FALEC: variants seen among roughly 807,000 people sequenced by gnomAD.
FALEC encodes the protein focally amplified lncRNA on chromosome 1.
At chr1:150,535,329 C>T in the FALEC span, among the ~76,000 whole-genome samples, 3 of 152,108 alleles carry the variant, frequency 2.0e-5, no homozygotes, top group East Asian at 1.9e-4. Flanking sequence ...CTGCAACCTC[C>T]GCCTCCCAGG....
intron 1 of FALEC, among the ~76,000 whole-genome samples, chr1:150,517,136 A>G (rs1670578703): frequency 6.6e-6 from 1 of 152,074 alleles, no homozygotes; most frequent in South Asian, 2.1e-4. Context: ...CGTCCCTACT[A>G]AAAATACAAA....
At chr1:150,526,432 C>G in the FALEC span, among the ~76,000 whole-genome samples, 1 of 151,630 alleles carries the variant, frequency 6.6e-6, no homozygotes, top group South Asian at 2.1e-4. Flanking sequence ...CTCCTGGGCT[C>G]AAGTGATCCA....
At chr1:150,522,313 C>T (rs1670653530), downstream of FALEC, among the ~76,000 whole-genome samples, 1 of 151,436 alleles carries the variant, frequency 6.6e-6, no homozygotes. Context: ...ATTCCAGTGA[C>T]TTTCCAGCTT....
chr1:150,532,944 C>G, the FALEC span, among the ~76,000 whole-genome samples: 1 of 152,126 alleles, frequency 6.6e-6, no homozygotes, highest in East Asian at 1.9e-4. Flanking sequence ...GCCAGCAGTG[C>G]AACTAGAGAG....
the FALEC span, among the ~76,000 whole-genome samples, chr1:150,534,426 T>A: frequency 6.6e-6 from 1 of 152,040 alleles, no homozygotes; most frequent in East Asian, 1.9e-4. Flanking sequence ...CAGACCTGAG[T>A]TCTTATGAAG....
chr1:150,536,464 C>G, the FALEC span, among the ~76,000 whole-genome samples: 1 of 152,170 alleles, frequency 6.6e-6, no homozygotes, highest in Non-Finnish European at 1.5e-5. Context: ...AGTTTCTTCA[C>G]CTGTAAAATG....
chr1:150,530,861 A>AT, the FALEC span, among the ~76,000 whole-genome samples: 1 of 152,178 alleles, frequency 6.6e-6, no homozygotes, highest in African/African-American at 2.4e-5. Context: ...CACACTGTCC[A>AT]TAACGCCTTC....
chr1:150,516,491 A>G (rs1326613593), intron 1 of FALEC, among the ~76,000 whole-genome samples: 1 of 152,214 alleles, frequency 6.6e-6, no homozygotes. Flanking sequence ...AAATGCTGAG[A>G]GTTAAAGAAT....
chr1:150,534,585 T>G, the FALEC span, among the ~76,000 whole-genome samples: 18 of 152,096 alleles, frequency 1.2e-4, no homozygotes, highest in Non-Finnish European at 2.2e-4. Flanking sequence ...GGCTCAAGCC[T>G]GTAATCCCAG....
At chr1:150,516,634 T>A (rs1040961898) in intron 1 of FALEC, among the ~76,000 whole-genome samples, 5 of 152,190 alleles carry the variant, frequency 3.3e-5, no homozygotes, top group Non-Finnish European at 7.3e-5. Flanking sequence ...TATACACTAT[T>A]AAAATATAAC....
At chr1:150,516,786 A>C (rs1670575113) in intron 1 of FALEC, among the ~76,000 whole-genome samples, 1 of 152,222 alleles carries the variant, frequency 6.6e-6, no homozygotes, top group Admixed American at 6.5e-5. Flanking sequence ...AATGTATGCA[A>C]AGTTCAGCTA....
chr1:150,531,219 G>A, the FALEC span, among the ~76,000 whole-genome samples: 1 of 152,222 alleles, frequency 6.6e-6, no homozygotes, highest in African/African-American at 2.4e-5. Flanking sequence ...TCTAGGCTGG[G>A]CACAGTGGCT....
downstream of FALEC, among the ~76,000 whole-genome samples, chr1:150,522,896 TATATATAC>T (rs1670667115): frequency 3.0e-5 from 2 of 67,354 alleles, no homozygotes; most frequent in African/African-American, 5.8e-5. Flanking sequence ...TACGTATATA[TATATATAC>T]ATATATATAC....
the FALEC span, among the ~76,000 whole-genome samples, chr1:150,533,815 A>G: frequency 6.6e-6 from 1 of 152,138 alleles, no homozygotes; most frequent in African/African-American, 2.4e-5. Context: ...TCTGTGACCA[A>G]AAAAGATAGA....
the FALEC span, among the ~76,000 whole-genome samples, chr1:150,533,855 A>G: frequency 6.6e-6 from 1 of 152,306 alleles, no homozygotes; most frequent in Non-Finnish European, 1.5e-5. Flanking sequence ...CTGTGCTTCC[A>G]TATGCATGGG....
downstream of FALEC, among the ~76,000 whole-genome samples, chr1:150,521,113 G>A (rs1451910461): frequency 6.6e-6 from 1 of 151,838 alleles, no homozygotes; most frequent in African/African-American, 2.4e-5. Context: ...ATTTTCATAT[G>A]GAATTCTATT....
At chr1:150,530,549 C>A in the FALEC span, among the ~76,000 whole-genome samples, 1 of 152,108 alleles carries the variant, frequency 6.6e-6, no homozygotes, top group Non-Finnish European at 1.5e-5. Context: ...GTTATTATTG[C>A]GATTTTTACT....
downstream of FALEC, among the ~76,000 whole-genome samples, chr1:150,518,265 A>C (rs1670596112): frequency 6.6e-6 from 1 of 152,172 alleles, no homozygotes; most frequent in Non-Finnish European, 1.5e-5. Flanking sequence ...ATTTCAATAA[A>C]TAGAACAACT....
chr1:150,534,116 T>A, the FALEC span, among the ~76,000 whole-genome samples: 1 of 152,284 alleles, frequency 6.6e-6, no homozygotes, highest in East Asian at 1.9e-4. Context: ...AAACCCAGGG[T>A]CAGATCCTAA....
Sources: gnomAD v4.1 joint callset for allele counts (sites outside exome capture counted in the v4.1 genomes callset) on GRCh38, gnomAD v4.1.1 for gene constraint, MANE v1.5 for transcripts, NCBI Gene and HGNC (gene_info 2026-07-23, HGNC 2026-07-21) for gene names.